RNF149: variants seen among roughly 807,000 people sequenced by gnomAD.
The protein encoded by RNF149 is ring finger protein 149, also known as E3 ubiquitin-protein ligase RNF149.
A neutral mutation model predicts 39.0 loss-of-function variants in RNF149; 21 were observed. The observed-to-expected ratio is 0.54, with a 90% CI of 0.38 to 0.77. The LOEUF (loss-of-function observed/expected upper bound fraction) is 0.77, where lower values mean the gene tolerates loss of function less well. Ranked by LOEUF, RNF149 falls within the 30% of genes least tolerant of loss-of-function variation. The pLI is 0.00. For missense variants in RNF149, 493 were observed against 534.9 expected, an observed-to-expected ratio of 0.92 and a Z score of 0.77; for synonymous variants, 209 against 213.6, an observed-to-expected ratio of 0.98 and a Z score of 0.19.
downstream of RNF149, chr2:101,273,270 G>A (rs1290612159): frequency 7.5e-6 from 4 of 536,144 alleles, no homozygotes; most frequent in South Asian, 6.1e-5. Context: ...CACGGACACT[G>A]CCTCCTTCTC....
rs1214686759 is a variant in RNF149 at position 101,278,881 on chromosome 2, A to C, written c.1160-1600T>G. ...GGTGAAGTAGGTGGAGAGTGATGTAACTGGAGAGTGGAAGGTGCACTTCCA... is the reference window on the plus strand; with the variant it reads ...GGTGAAGTAGGTGGAGAGTGATGTACCTGGAGAGTGGAAGGTGCACTTCCA... On this transcript the variant is annotated intron_variant, in intron 6 of 6. Transcript: ENST00000295317. 3.3e-5 allele frequency among the ~76,000 whole-genome samples: 5 copies of C among 152,178 alleles called. No individual in the cohort carries two copies. The East Asian group carries it at 9.6e-4, about 29-fold the overall frequency.
chr2:101,277,680 C>T (rs7587202), intron 6 of RNF149, among the ~76,000 whole-genome samples: 3,076 of 152,278 alleles, frequency 0.02, 94 homozygotes, highest in African/African-American at 0.069. Context: ...TGAGCCACCG[C>T]GCCCGGCTAA....
chr2:101,303,407 G>A (rs1405975350), intron 1 of RNF149, among the ~76,000 whole-genome samples: 1 of 151,938 alleles, frequency 6.6e-6, no homozygotes, highest in South Asian at 2.1e-4. Flanking sequence ...GATTACAGGT[G>A]TGAGCTACTG....
chr2:101,296,509 G>A (rs1480075623), intron 1 of RNF149, among the ~76,000 whole-genome samples: 2 of 152,122 alleles, frequency 1.3e-5, no homozygotes, highest in Non-Finnish European at 2.9e-5. Flanking sequence ...GTAGCATATG[G>A]AGACACCCAC....
chr2:101,308,343 C>T lies in RNF149; in HGVS notation c.246G>A (p.Ala82=). Residue 82 remains alanine, a synonymous_variant, in exon 1 of 7, where the codon GCG becomes GCA. Transcript: ENST00000295317. ...CGCAGCCCTCGAGGTCTCCGCCGGG[C>T]GCCCACGGGACGCCCACCAGGCCAT... ...GAHGLVGVPW[A]PGGDLEGCAP... 1 of 1,598,792 alleles carries T rather than the reference C, an allele frequency of 6.3e-7. No individual in the cohort carries two copies. The highest frequency in any genetic ancestry group is 8.5e-7 in the Non-Finnish European group (1 of 1,175,300).
intron 4 of RNF149, 151 bp downstream of exon 4, chr2:101,288,822 T>C (rs1682892638): frequency 3.5e-6 from 2 of 579,642 alleles, no homozygotes; most frequent in Non-Finnish European, 6.2e-6. Flanking sequence ...AGGGAAGATA[T>C]TATATTTAAA....
downstream of RNF149, chr2:101,273,288 C>G (rs1682205672): frequency 2.1e-6 from 1 of 487,700 alleles, no homozygotes; most frequent in Admixed American, 2.3e-5. Flanking sequence ...CTCCATGCCA[C>G]CCGCGGTTTC....
At chr2:101,290,382 G>C (rs1360922767) in intron 3 of RNF149, among the ~76,000 whole-genome samples, 3 of 152,158 alleles carry the variant, frequency 2.0e-5, no homozygotes, top group Non-Finnish European at 4.4e-5. Context: ...CTCTAGAATG[G>C]AATATGATGT....
chr2:101,276,491 C>T lies in RNF149; in HGVS notation c.*747G>A. ...ATCAATATAACAGATTCTGAGTCTG[C>T]CTACTCATTTTCCTTAACAAGGCAA... On this transcript the variant is annotated 3_prime_UTR_variant, in exon 7 of 7. Transcript: ENST00000295317. The T allele has an allele frequency of 1.0e-6, 1 of 985,688 alleles. No homozygotes were observed. Among genetic ancestry groups the T allele is most frequent in the South Asian group, 4.7e-5 (1 of 21,284 alleles). The allele number at this position is 985,688 out of a possible 1,614,324, so 61.1% of individuals were successfully genotyped here. A position where few individuals can be genotyped will look rare whatever the true frequency, so the allele number is the denominator to read the frequency against.
intron 1 of RNF149, among the ~76,000 whole-genome samples, chr2:101,303,635 G>A (rs1338211772): frequency 6.6e-6 from 1 of 151,548 alleles, no homozygotes; most frequent in Non-Finnish European, 1.5e-5. Flanking sequence ...TCAATAGGAG[G>A]GATTTCTCAT....
downstream of RNF149, among the ~76,000 whole-genome samples, chr2:101,271,918 C>A (rs1682144439): frequency 6.6e-6 from 1 of 152,152 alleles, no homozygotes; most frequent in South Asian, 2.1e-4. Context: ...TACATTTACA[C>A]CTAATTTTGA....
rs762833522 is a variant in RNF149 at position 101,295,139 on chromosome 2, C to A, written c.503G>T (p.Gly168Val). Residue 168 changes from glycine (G) to valine (V), a missense_variant, in exon 2 of 7, where the codon GGA (glycine) becomes GTA (valine). Transcript: ENST00000295317. ...TTGCACCAGCTCCAAAATTTCTCTTCCTTTTGGATAGCTAATCATAATGAC... is the reference window on the plus strand; with the variant it reads ...TTGCACCAGCTCCAAAATTTCTCTTACTTTTGGATAGCTAATCATAATGAC... ...IVVIMISYPKGREILELVQKG... is the reference protein window; with the variant it reads ...IVVIMISYPKVREILELVQKG... 2 of 1,613,688 alleles carry A rather than the reference C, an allele frequency of 1.2e-6. No homozygotes were observed. The highest frequency in any genetic ancestry group is 1.7e-6 in the Non-Finnish European group (2 of 1,179,586).
chr2:101,280,847 C>G (rs1302541170), intron 6 of RNF149, among the ~76,000 whole-genome samples: 1 of 152,094 alleles, frequency 6.6e-6, no homozygotes, highest in Non-Finnish European at 1.5e-5. Flanking sequence ...GTCTAGACAA[C>G]ATGGTGAGAC....
At chr2:101,298,586 A>T (rs1000669921) in intron 1 of RNF149, among the ~76,000 whole-genome samples, 7 of 152,202 alleles carry the variant, frequency 4.6e-5, no homozygotes, top group African/African-American at 1.7e-4. Context: ...AAGTACTGAC[A>T]GTACTCAAGA....
intron 4 of RNF149, among the ~76,000 whole-genome samples, chr2:101,288,307 G>A (rs186816719): frequency 9.1e-5 from 13 of 142,784 alleles, no homozygotes; most frequent in African/African-American, 2.9e-4. Context: ...GTGCAATCTC[G>A]GCTCACTGTA....
In RNF149 at chr2:101,286,147, TG is replaced by T. The variant is rs1325654033; in HGVS notation, c.893del (p.Pro298HisfsTer20). On this transcript the variant is annotated frameshift_variant, in exon 5 of 7. Transcript: ENST00000295317. LOFTEE classifies it high-confidence loss of function. The part of the protein sequence containing the change: ...KHIFHRICID[P>X]WLLDHRTCPM... ...GACATGTTCGGTGATCCAAAAGCCA[TG>T]GGTCAATGCATATTCTATGAAAAAT... is the stretch of plus-strand genomic sequence containing the variant. 6.2e-7 allele frequency: 1 copy of T among 1,609,394 alleles called. No individual in the cohort carries two copies. Among genetic ancestry groups the T allele is most frequent in the African/African-American group, 1.3e-5 (1 of 74,958 alleles).
chr2:101,307,779 C>T (rs1683731719), intron 1 of RNF149: 2 of 982,994 alleles, frequency 2.0e-6, no homozygotes, highest in Non-Finnish European at 2.4e-6. Context: ...CTCACCCCTC[C>T]GACTTTGGGA....
intron 1 of RNF149, among the ~76,000 whole-genome samples, chr2:101,296,842 TA>T (rs898537988): frequency 1.4e-4 from 21 of 152,050 alleles, no homozygotes; most frequent in African/African-American, 2.4e-4. Context: ...CAGAGGTTCT[TA>T]AAAAAAATTT....
chr2:101,294,173 T>TACAGAAA, intron 2 of RNF149, 91 bp from the exon 3 acceptor site: 1 of 712,726 alleles, frequency 1.4e-6, no homozygotes, highest in South Asian at 1.7e-5. Context: ...CACATAAGCA[T>TACAGAAA]ACAGAAAACA....
Sources: gnomAD v4.1 joint callset for allele counts (sites outside exome capture counted in the v4.1 genomes callset) on GRCh38, gnomAD v4.1.1 for gene constraint, MANE v1.5 for transcripts, NCBI Gene and HGNC (gene_info 2026-07-23, HGNC 2026-07-21) for gene names.